Variants in SDCCAG8 observed in about 807,000 individuals in gnomAD.
SDCCAG8 encodes the protein serologically defined colon cancer antigen 8.
In SDCCAG8, 74 loss-of-function variants were observed where a neutral mutation model predicts 101.8. The ratio of observed to expected loss-of-function variants is 0.73; its 90% CI spans 0.60 to 0.88. The LOEUF (loss-of-function observed/expected upper bound fraction) is 0.88. SDCCAG8 is among the 40% of genes least tolerant of loss of function. The probability of loss-of-function intolerance (pLI) is 0.00; values close to 1 mark genes in which losing one functional copy is unlikely to be tolerated. For missense variants in SDCCAG8, 787 were observed against 822.6 expected (o/e 0.96, Z 0.53); for synonymous variants, 281 against 292.9 (o/e 0.96, Z 0.41).
At chr1:243,389,021 A>C (rs567611145) in intron 13 of SDCCAG8, among the ~76,000 whole-genome samples, 1 of 149,958 alleles carries the variant, frequency 6.7e-6, no homozygotes, top group Non-Finnish European at 1.5e-5. Flanking sequence ...TTGGGAGGCT[A>C]CGTGGTGGTG....
At chr1:243,365,471 A>G (rs145245881) in intron 12 of SDCCAG8, among the ~76,000 whole-genome samples, 218 of 152,272 alleles carry the variant, frequency 1.4e-3, no homozygotes, top group African/African-American at 4.3e-3. Flanking sequence ...CAAAAGTTTC[A>G]TTTTATATTC....
rs1661881643 is a variant in SDCCAG8 at position 243,474,246 on chromosome 1, G to A, written c.1986-14768G>A. Among the ~76,000 whole-genome samples the A allele has an allele frequency of 6.6e-6, 1 of 152,176 alleles. No homozygotes were observed. The highest frequency in any genetic ancestry group is 2.4e-5 in the African/African-American group (1 of 41,450). On this transcript the variant is annotated intron_variant, in intron 16 of 17. Coordinates refer to ENST00000366541, the MANE Select transcript of SDCCAG8 (RefSeq NM_006642.5). The surrounding 1 kb of genome is among the most constrained non-coding windows in gnomAD (Gnocchi z 4.7). The stretch of plus-strand genomic sequence containing the variant: ...TCTCAGGGGAAAGAACTTGGGACGT[G>A]AGCATGGAGTTAATGAAGCTTTCAC...
At chr1:243,274,800 T>G in intron 4 of SDCCAG8, 144 bp downstream of exon 4, 1 of 598,464 alleles carries the variant, frequency 1.7e-6, no homozygotes, top group Non-Finnish European at 3.0e-6. Context: ...GAGACTGATG[T>G]GTCACAAGAG....
intron 16 of SDCCAG8, among the ~76,000 whole-genome samples, chr1:243,482,087 A>G (rs192426898): frequency 2.0e-5 from 3 of 152,252 alleles, no homozygotes; most frequent in African/African-American, 7.2e-5. Flanking sequence ...ATTTAAATCT[A>G]TGTATTCACT....
At position 243,309,044 on chromosome 1, in the gene SDCCAG8, C is replaced by T. The variant is rs564775479; in HGVS notation, c.929+867C>T. On this transcript the variant is annotated intron_variant, in intron 8 of 17. Coordinates refer to ENST00000366541, the MANE Select transcript of SDCCAG8 (RefSeq NM_006642.5). ...TCTTCTGTGGTCATTAAGGTCAGACCGATTTTGCTCCATGTCCTGACCTTC... is the reference window on the plus strand; with the variant it reads ...TCTTCTGTGGTCATTAAGGTCAGACTGATTTTGCTCCATGTCCTGACCTTC... Among the ~76,000 whole-genome samples, 122 of 152,248 alleles carry T rather than the reference C, an allele frequency of 8.0e-4. 1 individual carries two copies. Among genetic ancestry groups the T allele is most frequent in the African/African-American group, 2.7e-3 (113 of 41,550 alleles).
Position 243,431,822 on chromosome 1 carries a change from T to A in SDCCAG8, c.1985+5264T>A, listed in dbSNP as rs1347287992. Among the ~76,000 whole-genome samples the A allele has an allele frequency of 1.4e-4, 22 of 152,316 alleles. 1 individual carries two copies. In the East Asian group the frequency reaches 4.2e-3, roughly 29 times the overall value. ...CATCTGGGCGTTCACTGTCACCGAC[T>A]CCCAGTAATCCCGGGGGTTTCGTCA... On this transcript the variant is annotated intron_variant, in intron 16 of 17. Coordinates refer to ENST00000366541, the MANE Select transcript of SDCCAG8 (RefSeq NM_006642.5).
chr1:243,333,721 T>C (rs2074795193), intron 10 of SDCCAG8, among the ~76,000 whole-genome samples: 1 of 152,234 alleles, frequency 6.6e-6, no homozygotes, highest in Non-Finnish European at 1.5e-5. Flanking sequence ...CTTAAAAGAT[T>C]CTCTATGATT....
At chr1:243,295,294 G>C (rs1213557266) in intron 6 of SDCCAG8, among the ~76,000 whole-genome samples, 1 of 152,154 alleles carries the variant, frequency 6.6e-6, no homozygotes, top group Non-Finnish European at 1.5e-5. Context: ...CAGGAGTGCA[G>C]TGGTGCCATC....
At chr1:243,265,958 A>G (rs1478160531) in intron 1 of SDCCAG8, among the ~76,000 whole-genome samples, 1 of 152,176 alleles carries the variant, frequency 6.6e-6, no homozygotes, top group Non-Finnish European at 1.5e-5. Flanking sequence ...GGTATAAATA[A>G]ATAATTATCC....
chr1:243,261,914 C>T (rs967098378), intron 1 of SDCCAG8, among the ~76,000 whole-genome samples: 6 of 149,048 alleles, frequency 4.0e-5, no homozygotes, highest in African/African-American at 7.5e-5. Context: ...CAGGTTTAAG[C>T]GATTCTCCTG....
chr1:243,447,262 A>C (rs962550814), intron 16 of SDCCAG8, among the ~76,000 whole-genome samples: 1 of 149,794 alleles, frequency 6.7e-6, no homozygotes, highest in African/African-American at 2.4e-5. Flanking sequence ...AAAAAAAAAA[A>C]AAAAAAAAAA....
chr1:243,324,634 C>T (rs1035235590), intron 9 of SDCCAG8, among the ~76,000 whole-genome samples: 5 of 151,858 alleles, frequency 3.3e-5, no homozygotes, highest in Non-Finnish European at 7.4e-5. Context: ...GTATACTTCA[C>T]GTATTCTTAT....
chr1:243,282,421 G>A lies in SDCCAG8; in HGVS notation c.421-3851G>A, dbSNP rs376376229. 3.3e-5 allele frequency among the ~76,000 whole-genome samples: 5 copies of A among 152,088 alleles called. No homozygotes were observed. In the South Asian group the frequency reaches 8.3e-4, roughly 25 times the overall value. On this transcript the variant is annotated intron_variant, in intron 4 of 17. Coordinates refer to ENST00000366541, the MANE Select transcript of SDCCAG8 (RefSeq NM_006642.5). The stretch of plus-strand genomic sequence containing the variant: ...AACTAAAATTACTACAAACACTATT[G>A]CAATTATGATGTTGAACACAAAGTG...
At chr1:243,418,250 T>C (rs1027913663) in intron 15 of SDCCAG8, among the ~76,000 whole-genome samples, 174 bp downstream of exon 15, 1 of 152,204 alleles carries the variant, frequency 6.6e-6, no homozygotes, top group Non-Finnish European at 1.5e-5. Context: ...GTCTATACGC[T>C]TTTATGTTTT....
At chr1:243,479,559 A>G (rs2148219924) in intron 16 of SDCCAG8, among the ~76,000 whole-genome samples, 1 of 152,324 alleles carries the variant, frequency 6.6e-6, no homozygotes, top group Non-Finnish European at 1.5e-5. Context: ...ATCATTTTAA[A>G]ATGTAAAAAT....
chr1:243,390,554 G>C (rs990583053), intron 13 of SDCCAG8, among the ~76,000 whole-genome samples: 1 of 152,210 alleles, frequency 6.6e-6, no homozygotes, highest in African/African-American at 2.4e-5. Flanking sequence ...TGTGTTTGCA[G>C]GTTCTGCTTA....
chr1:243,360,279 G>A (rs919312597), intron 12 of SDCCAG8, among the ~76,000 whole-genome samples: 7 of 151,018 alleles, frequency 4.6e-5, no homozygotes, highest in African/African-American at 1.7e-4. Flanking sequence ...CCTAGTATCT[G>A]GGACTACAGG....
intron 9 of SDCCAG8, among the ~76,000 whole-genome samples, chr1:243,324,343 T>C (rs142923385): frequency 5.9e-5 from 9 of 152,236 alleles, no homozygotes; most frequent in African/African-American, 1.9e-4. Flanking sequence ...GCTCTTGACA[T>C]TCCATCAGTT....
intron 12 of SDCCAG8, among the ~76,000 whole-genome samples, chr1:243,359,707 G>T (rs2050489): frequency 0.062 from 9,509 of 152,158 alleles, 1,012 homozygotes; most frequent in African/African-American, 0.22. Flanking sequence ...TCCGGTACTC[G>T]GCACAGAGGA....
Sources: allele counts gnomAD v4.1 joint callset (sites outside exome capture counted in the v4.1 genomes callset), GRCh38; gene constraint gnomAD v4.1.1; non-coding constraint Gnocchi (gnomAD v3.1); transcripts MANE v1.5; gene names NCBI Gene and HGNC (gene_info 2026-07-23, HGNC 2026-07-21).